EML5: variants seen among roughly 807,000 people sequenced by gnomAD.
EML5 encodes the protein echinoderm microtubule-associated protein-like 5.
EML5 carries 120 observed loss-of-function variants against 250.0 expected under a neutral mutation model. That is an observed-to-expected ratio of 0.48 (90% CI 0.41 to 0.56). The LOEUF (loss-of-function observed/expected upper bound fraction) is 0.56. Ranked by LOEUF, EML5 falls within the 20% of genes least tolerant of loss-of-function variation. EML5 has a pLI of 0.00. For missense variants in EML5, 2,006 were observed against 2,437.6 expected, an observed-to-expected ratio of 0.82 and a Z score of 3.73; for synonymous variants, 771 against 806.5, an observed-to-expected ratio of 0.96 and a Z score of 0.75.
chr14:88,646,071 A>C (rs2091333466), intron 29 of EML5, among the ~76,000 whole-genome samples: 1 of 152,184 alleles, frequency 6.6e-6, no homozygotes, highest in Non-Finnish European at 1.5e-5. Context: ...CCCTTTCCAA[A>C]TTTTAAGTTA....
At chr14:88,651,899 C>T (rs2091646787) in intron 27 of EML5, among the ~76,000 whole-genome samples, 1 of 152,070 alleles carries the variant, frequency 6.6e-6, no homozygotes, top group Non-Finnish European at 1.5e-5. Context: ...TCTTGATTTA[C>T]ATTATTTCAT....
chr14:88,782,453 G>A (rs1485188370), intron 1 of EML5, among the ~76,000 whole-genome samples: 2 of 152,240 alleles, frequency 1.3e-5, no homozygotes, highest in Non-Finnish European at 2.9e-5. Context: ...AGGAGCCAAA[G>A]GCTAATCACA....
rs190351884 is a variant in EML5 at position 88,615,194 on chromosome 14, G to A, written c.*624C>T. The A allele has an allele frequency of 1.3e-5, 2 of 152,226 alleles. No homozygotes were observed. Among genetic ancestry groups the A allele is most frequent in the African/African-American group, 4.8e-5 (2 of 41,524 alleles). The allele number at this position is 152,226 out of a possible 1,614,324, so 9.4% of individuals were successfully genotyped here. ...TAGCAGCCATATACTGCTAACTTTGGATCTGTTCCTGAATTCAAAACTACT... is the reference window on the plus strand; with the variant it reads ...TAGCAGCCATATACTGCTAACTTTGAATCTGTTCCTGAATTCAAAACTACT... On this transcript the variant is annotated 3_prime_UTR_variant, in exon 44 of 44. Transcript: ENST00000554922.
rs562613937 is a variant in EML5 at position 88,670,429 on chromosome 14, T to C, written c.3125-4940A>G. 3.3e-5 allele frequency among the ~76,000 whole-genome samples: 5 copies of C among 151,304 alleles called. No individual in the cohort carries two copies. The South Asian group carries it at 1.0e-3, about 32-fold the overall frequency. On this transcript the variant is annotated intron_variant, in intron 21 of 43. Coordinates refer to ENST00000554922, the MANE Select transcript of EML5 (RefSeq NM_183387.3). ...TCCAAAGTTCAGCAGCCTCAAAGAC[T>C]GAAGCTAGATAAACTCACAAAGATG...
In EML5 at chr14:88,761,161, G is replaced by A. The variant is rs1280282329; in HGVS notation, c.198-6490C>T. Among the ~76,000 whole-genome samples the A allele has an allele frequency of 2.6e-5, 4 of 151,874 alleles. No homozygotes were observed. In the South Asian group the frequency reaches 6.2e-4, roughly 24 times the overall value. On this transcript the variant is annotated intron_variant, in intron 1 of 43. Coordinates refer to ENST00000554922, the MANE Select transcript of EML5 (RefSeq NM_183387.3). ...CTTTCTATAAGCCTTTTTATTTCTT[G>A]TCTGATTGCACTGGCTTGAACTTCT...
chr14:88,768,889 T>A (rs955427309), intron 1 of EML5, among the ~76,000 whole-genome samples: 3 of 152,178 alleles, frequency 2.0e-5, no homozygotes, highest in Non-Finnish European at 2.9e-5. Context: ...AGAGAGTAAA[T>A]GTTTTACGCT....
In EML5 at chr14:88,755,829, CA is replaced by C. The variant is rs370250872; in HGVS notation, c.198-1159del. ...GAAACACAGCAAACCATTGTCTCTA[CA>C]AAAAAAAAATTTTTTTTAATGAGCC... is the stretch of plus-strand genomic sequence containing the variant. On this transcript the variant is annotated intron_variant, in intron 1 of 43. Transcript: ENST00000554922. Among the ~76,000 whole-genome samples the C allele has an allele frequency of 3.3e-5, 5 of 149,540 alleles. No individual in the cohort carries two copies. The East Asian group carries it at 5.9e-4, about 18-fold the overall frequency.
intron 21 of EML5, among the ~76,000 whole-genome samples, chr14:88,675,457 T>C (rs573611203): frequency 6.6e-6 from 1 of 152,330 alleles, no homozygotes; most frequent in African/African-American, 2.4e-5. Flanking sequence ...CTTTTAGCTA[T>C]GGATGGAGCT....
At chr14:88,760,021 G>C (rs995132792) in intron 1 of EML5, among the ~76,000 whole-genome samples, 19 of 152,030 alleles carry the variant, frequency 1.2e-4, no homozygotes, top group African/African-American at 4.6e-4. Context: ...TTTTCATTAG[G>C]TTGCCTTTAT....
At position 88,625,058 on chromosome 14, in the gene EML5, T is replaced by C. The variant is rs1369290029; in HGVS notation, c.4810A>G (p.Ile1604Val). ...GGCCCGTTGTGAGCTCTCGCCACGATTCTACACAATATGTGATCTTTCCAC... is the reference window on the plus strand; with the variant it reads ...GGCCCGTTGTGAGCTCTCGCCACGACTCTACACAATATGTGATCTTTCCAC... ...CVWKDHILCRIVARAHNGPVF... is the reference protein window; with the variant it reads ...CVWKDHILCRVVARAHNGPVF... Residue 1604 changes from isoleucine to valine, a missense_variant, in exon 36 of 44, where the codon ATC (isoleucine) becomes GTC (valine). Ile to Val is a conservative substitution (Grantham distance 29, BLOSUM62 3). Around this residue, in one of 7 missense-constraint regions of EML5, gnomAD observed 405 missense variants for 523.3 expected, o/e 0.77. Transcript: ENST00000554922. 1.2e-6 allele frequency: 2 copies of C among 1,612,124 alleles called. No homozygotes were observed. Among genetic ancestry groups the C allele is most frequent in the East Asian group, 2.2e-5 (1 of 44,726 alleles).
In EML5 at chr14:88,621,207, C is replaced by T. The variant is rs746162842; in HGVS notation, c.5108G>A (p.Gly1703Glu). 2.5e-6 allele frequency: 4 copies of T among 1,613,878 alleles called. No individual in the cohort carries two copies. Among genetic ancestry groups the T allele is most frequent in the Non-Finnish European group, 3.4e-6 (4 of 1,179,872 alleles). ...CNILVNGHVD[G>E]PIWGLATHPS... Reference sequence around the variant, plus strand: ...ATGTGTTGCTAGTCCCCAGATTGGCCCATCCACATGACCGTTAACTAAAAT... The same window carrying T: ...ATGTGTTGCTAGTCCCCAGATTGGCTCATCCACATGACCGTTAACTAAAAT... Residue 1703 changes from glycine to glutamate, a missense_variant, in exon 38 of 44, where the codon GGG becomes GAG. Gly to Glu is a moderately conservative substitution (Grantham distance 98, BLOSUM62 -2). Transcript: ENST00000554922.
chr14:88,690,797 C>T (rs2092939556), intron 17 of EML5, among the ~76,000 whole-genome samples: 1 of 152,104 alleles, frequency 6.6e-6, no homozygotes, highest in East Asian at 1.9e-4. Context: ...GAGTGATGTC[C>T]TTGAGTAGAT....
intron 27 of EML5, 52 bp downstream of exon 27, chr14:88,657,324 A>G: frequency 6.6e-7 from 1 of 1,506,390 alleles, no homozygotes; most frequent in Non-Finnish European, 8.9e-7. Context: ...AATAAATTCC[A>G]TTTTTAATGA....
chr14:88,739,493 A>T (rs2093893502), intron 5 of EML5, among the ~76,000 whole-genome samples: 1 of 152,194 alleles, frequency 6.6e-6, no homozygotes, highest in South Asian at 2.1e-4. Context: ...AAAGAAAATA[A>T]ATTTAATTCC....
intron 23 of EML5, among the ~76,000 whole-genome samples, chr14:88,663,695 A>C (rs2092209013): frequency 6.6e-6 from 1 of 151,928 alleles, no homozygotes; most frequent in Non-Finnish European, 1.5e-5. Context: ...TCTTTTTAAA[A>C]ATGTATTTCA....
chr14:88,792,603 C>T lies in EML5; in HGVS notation c.-100G>A. On this transcript the variant is annotated 5_prime_UTR_variant, in exon 1 of 44. Transcript: ENST00000554922. The surrounding 1 kb of genome is among the most constrained non-coding windows in gnomAD (Gnocchi z 6.9). ...GCCCTCCCGCTGGCTGCCGGGACTT[C>T]CCGCCAGCCGCGTCCTCTAAGCCGC... 5.9e-6 allele frequency: 7 copies of T among 1,182,904 alleles called. No individual in the cohort carries two copies. The African/African-American group carries it at 6.4e-5, about 11-fold the overall frequency. The allele number at this position is 1,182,904 out of a possible 1,614,324, so 73.3% of individuals were successfully genotyped here. A position where few individuals can be genotyped will look rare whatever the true frequency, so the allele number is the denominator to read the frequency against.
chr14:88,669,819 A>C (rs2092409326), intron 21 of EML5, among the ~76,000 whole-genome samples: 1 of 152,110 alleles, frequency 6.6e-6, no homozygotes, highest in African/African-American at 2.4e-5. Flanking sequence ...GTTGCTAGAC[A>C]CCTTATACAG....
At chr14:88,663,750 G>C (rs1461745003) in intron 23 of EML5, among the ~76,000 whole-genome samples, 1 of 150,728 alleles carries the variant, frequency 6.6e-6, no homozygotes, top group Non-Finnish European at 1.5e-5. Context: ...GCCCAGGCTG[G>C]TCTCAAACTC....
At chr14:88,747,190 T>C (rs1267931313) in intron 2 of EML5, among the ~76,000 whole-genome samples, 1 of 151,886 alleles carries the variant, frequency 6.6e-6, no homozygotes, top group African/African-American at 2.4e-5. Context: ...GGCAGGTGGA[T>C]TGCTTGAGGC....
Sources: gnomAD v4.1 joint callset for allele counts (sites outside exome capture counted in the v4.1 genomes callset) on GRCh38, gnomAD v4.1.1 for gene constraint, gnomAD v4.1.1 regional missense constraint, Gnocchi (gnomAD v3.1) non-coding constraint, MANE v1.5 for transcripts, NCBI Gene and HGNC (gene_info 2026-07-23, HGNC 2026-07-21) for gene names.